RELN: variants seen among roughly 807,000 people sequenced by gnomAD.
RELN encodes the protein reelin.
A neutral mutation model predicts 427.6 loss-of-function variants in RELN; 108 were observed. That is an observed-to-expected ratio of 0.25 (90% CI 0.22 to 0.30). The LOEUF is 0.30. RELN is among the 10% of genes least tolerant of loss of function. RELN has a pLI of 1.00. For synonymous variants in RELN, 1,524 were observed against 1,513.4 expected (o/e 1.01, Z -0.16); for missense variants, 3,715 against 4,302.8 (o/e 0.86, Z 3.82).
intron 3 of RELN, among the ~76,000 whole-genome samples, chr7:103,832,623 A>G (rs1216284809): frequency 6.6e-6 from 1 of 152,180 alleles, no homozygotes; most frequent in Non-Finnish European, 1.5e-5. Context: ...AATGAGGGGT[A>G]GGGGTTAGGG....
intron 2 of RELN, 122 bp from the exon 3 acceptor site, chr7:103,833,794 A>G (rs887133048): frequency 1.4e-5 from 13 of 926,676 alleles, no homozygotes; most frequent in African/African-American, 1.3e-4. Context: ...TTGGCTTCCC[A>G]ATAAGTTATG....
In RELN at chr7:103,613,985, T is replaced by G. The variant is rs1407321269; in HGVS notation, c.2703-2182A>C. On this transcript the variant is annotated intron_variant, in intron 20 of 64. Coordinates refer to ENST00000428762, the MANE Select transcript of RELN (RefSeq NM_005045.4). Reference sequence around the variant, plus strand: ...ATAAATATTGCCTGCACCTAATGTTTGCATGATTACAAATGTAACTACGAA... The same window carrying G: ...ATAAATATTGCCTGCACCTAATGTTGGCATGATTACAAATGTAACTACGAA... Among the ~76,000 whole-genome samples the G allele has an allele frequency of 2.6e-5, 4 of 152,332 alleles. No homozygotes were observed. The East Asian group carries it at 7.7e-4, about 29-fold the overall frequency.
At chr7:103,809,084 G>A (rs1792671457) in intron 3 of RELN, among the ~76,000 whole-genome samples, 1 of 152,168 alleles carries the variant, frequency 6.6e-6, no homozygotes, top group African/African-American at 2.4e-5. Context: ...GAATGGGAAT[G>A]GCCTTGGGCT....
intron 4 of RELN, among the ~76,000 whole-genome samples, chr7:103,754,149 T>C (rs567981912): frequency 1.4e-4 from 21 of 152,206 alleles, no homozygotes; most frequent in African/African-American, 4.3e-4. Flanking sequence ...AAGTGTAAAG[T>C]ACATACTAGA....
intron 3 of RELN, among the ~76,000 whole-genome samples, chr7:103,799,847 C>T (rs116750912): frequency 0.011 from 1,646 of 152,174 alleles, 27 homozygotes; most frequent in African/African-American, 0.038. Flanking sequence ...GTGACTTAAC[C>T]TCTCTGTGCC....
At chr7:103,536,545 G>A (rs1047119346) in intron 45 of RELN, among the ~76,000 whole-genome samples, 1 of 152,186 alleles carries the variant, frequency 6.6e-6, no homozygotes, top group African/African-American at 2.4e-5. Flanking sequence ...ATTCTCCCGT[G>A]CAGCCAGTGT....
At chr7:103,729,082 T>C (rs1196515781) in intron 6 of RELN, among the ~76,000 whole-genome samples, 1 of 152,144 alleles carries the variant, frequency 6.6e-6, no homozygotes, top group African/African-American at 2.4e-5. Context: ...ATTTTCTGCA[T>C]TGTGACATTT....
intron 28 of RELN, among the ~76,000 whole-genome samples, chr7:103,587,958 C>T (rs1219610655): frequency 6.6e-6 from 1 of 152,152 alleles, no homozygotes; most frequent in Non-Finnish European, 1.5e-5. Context: ...CTAGTACAGC[C>T]ACTGTGGAAA....
intron 19 of RELN, 46 bp downstream of exon 19, chr7:103,635,379 G>A: frequency 6.3e-7 from 1 of 1,590,824 alleles, no homozygotes. Context: ...TTCCCCAGGA[G>A]AAGATTTCAC....
At chr7:103,584,437 G>T (rs1374033894) in intron 28 of RELN, among the ~76,000 whole-genome samples, 1 of 152,036 alleles carries the variant, frequency 6.6e-6, no homozygotes, top group Non-Finnish European at 1.5e-5. Flanking sequence ...ATAAAAGACT[G>T]TAATTCAACA....
At chr7:103,800,589 T>C (rs111878412) in intron 3 of RELN, among the ~76,000 whole-genome samples, 1 of 151,954 alleles carries the variant, frequency 6.6e-6, no homozygotes, top group Non-Finnish European at 1.5e-5. Context: ...TCAAGATGGA[T>C]TAAAGACTTA....
chr7:103,635,022 CT>C (rs1188835355), intron 19 of RELN, among the ~76,000 whole-genome samples: 12 of 150,576 alleles, frequency 8.0e-5, no homozygotes, highest in African/African-American at 2.4e-4. Flanking sequence ...CCACACCCAG[CT>C]TTTTTTTTCG....
chr7:103,616,397 C>T (rs1052301816), intron 20 of RELN, among the ~76,000 whole-genome samples: 3 of 151,832 alleles, frequency 2.0e-5, no homozygotes, highest in South Asian at 2.1e-4. Context: ...CTAGATTAGG[C>T]GGAAAAACTT....
At chr7:103,749,278 A>C in intron 6 of RELN, 148 bp downstream of exon 6, 1 of 707,048 alleles carries the variant, frequency 1.4e-6, no homozygotes, top group Non-Finnish European at 2.6e-6. Context: ...TGCAGTCTAC[A>C]TTAAGCCCAG....
At chr7:103,907,414 GGAAAAAAAA>G (rs1388067105) in intron 2 of RELN, among the ~76,000 whole-genome samples, 2 of 39,714 alleles carry the variant, frequency 5.0e-5, no homozygotes, top group South Asian at 1.0e-3. Context: ...TCAAGGCTCT[GGAAAAAAAA>G]AAAAAAAAAA....
intron 2 of RELN, among the ~76,000 whole-genome samples, chr7:103,842,164 G>A (rs543322306): frequency 6.6e-6 from 1 of 151,990 alleles, no homozygotes; most frequent in South Asian, 2.1e-4. Flanking sequence ...TGTAAGCTAA[G>A]AATGGCACAA....
intron 2 of RELN, among the ~76,000 whole-genome samples, chr7:103,875,914 A>C (rs1033921938): frequency 2.6e-5 from 4 of 152,170 alleles, no homozygotes; most frequent in African/African-American, 9.6e-5. Flanking sequence ...GGCATAATTC[A>C]TATTTTAAGC....
chr7:103,743,811 A>T (rs990640484), intron 6 of RELN, among the ~76,000 whole-genome samples: 3 of 152,172 alleles, frequency 2.0e-5, no homozygotes, highest in Admixed American at 1.3e-4. Flanking sequence ...CACAATAATT[A>T]TGGGAGACTT....
intron 2 of RELN, among the ~76,000 whole-genome samples, chr7:103,877,881 G>A (rs748045127): frequency 6.7e-5 from 9 of 134,368 alleles, no homozygotes; most frequent in Non-Finnish European, 1.1e-4. Flanking sequence ...TTTTTTGAAA[G>A]GGTCTTGCTC....
Sources: allele counts gnomAD v4.1 joint callset (sites outside exome capture counted in the v4.1 genomes callset), GRCh38; gene constraint gnomAD v4.1.1; transcripts MANE v1.5; gene names NCBI Gene and HGNC (gene_info 2026-07-23, HGNC 2026-07-21).